Variants in KIRREL3 observed in about 807,000 individuals in gnomAD.
KIRREL3 encodes kin of IRRE-like protein 3.
A neutral mutation model predicts 89.7 loss-of-function variants in KIRREL3; 36 were observed. That is an observed-to-expected ratio of 0.40 (90% CI 0.31 to 0.53). KIRREL3 has a LOEUF of 0.53. Ranked by LOEUF, KIRREL3 falls within the 20% of genes least tolerant of loss-of-function variation. The pLI is 0.49. For missense variants in KIRREL3, 864 were observed against 1,056.6 expected (o/e 0.82, Z 2.53); for synonymous variants, 445 against 441.4 (o/e 1.01, Z -0.10).
intron 1 of KIRREL3, among the ~76,000 whole-genome samples, chr11:126,649,745 C>A (rs947781471): frequency 2.6e-5 from 4 of 152,170 alleles, no homozygotes; most frequent in African/African-American, 9.7e-5. Flanking sequence ...GTGAACGGTG[C>A]AAGCTGTTGG....
In KIRREL3 at chr11:126,763,949, C is replaced by T. The variant is rs1949740238; in HGVS notation, c.56-201037G>A. ...GAATTTTTCCTCTCTTTTCCTGTAT[C>T]TTTTTTCCCCCACAACTCTGCATTC... On this transcript the variant is annotated intron_variant, in intron 1 of 16. Coordinates refer to ENST00000525144, the MANE Select transcript of KIRREL3 (RefSeq NM_032531.4). This position sits in a 1 kb window ranked among gnomAD's most constrained non-coding sequence, Gnocchi z 4.7. 6.6e-6 allele frequency among the ~76,000 whole-genome samples: 1 copy of T among 152,084 alleles called. No individual in the cohort carries two copies. The highest frequency in any genetic ancestry group is 6.5e-5 in the Admixed American group (1 of 15,276).
At position 126,703,749 on chromosome 11, in the gene KIRREL3, C is replaced by T. The variant is rs960484471; in HGVS notation, c.56-140837G>A. 6.6e-6 allele frequency among the ~76,000 whole-genome samples: 1 copy of T among 152,236 alleles called. No individual in the cohort carries two copies. Among genetic ancestry groups the T allele is most frequent in the Non-Finnish European group, 1.5e-5 (1 of 68,050 alleles). On this transcript the variant is annotated intron_variant, in intron 1 of 16. Transcript: ENST00000525144. The surrounding 1 kb of genome is among the most constrained non-coding windows in gnomAD (Gnocchi z 4.6). ...TGGGCCAGTGTTTCCGTGCCAGAAA[C>T]CCTGTCTCAGAGGGCAGGAAAGAGA...
rs1273926018 is a variant in KIRREL3, at chr11:126,484,901, CGCCTCCCAGGTTCAA to C, written c.434-11450_434-11436del. On this transcript the variant is annotated intron_variant, in intron 4 of 16. Coordinates refer to ENST00000525144, the MANE Select transcript of KIRREL3 (RefSeq NM_032531.4). The surrounding 1 kb of genome is among the most constrained non-coding windows in gnomAD (Gnocchi z 5.2). Reference sequence around the variant, plus strand: ...CACAATGTAGGCTCACTGCAGCCTCCGCCTCCCAGGTTCAAGCGATTCTCCTGCCTCAGCCTTTTA... The same window carrying C: ...CACAATGTAGGCTCACTGCAGCCTCCGCGATTCTCCTGCCTCAGCCTTTTA... 6.6e-6 allele frequency among the ~76,000 whole-genome samples: 1 copy of C among 151,800 alleles called. No individual in the cohort carries two copies. Among genetic ancestry groups the C allele is most frequent in the African/African-American group, 2.4e-5 (1 of 41,312 alleles).
chr11:126,483,946 C>T (rs1957285006), intron 4 of KIRREL3, among the ~76,000 whole-genome samples: 1 of 152,208 alleles, frequency 6.6e-6, no homozygotes, highest in Non-Finnish European at 1.5e-5. Flanking sequence ...CTGACTCTCC[C>T]ACCTGCAGCC....
At position 126,459,638 on chromosome 11, in the gene KIRREL3, C is replaced by T. The variant is rs1415825133; in HGVS notation, c.743-3184G>A. On this transcript the variant is annotated intron_variant, in intron 6 of 16. Coordinates refer to ENST00000525144, the MANE Select transcript of KIRREL3 (RefSeq NM_032531.4). The surrounding 1 kb of genome is among the most constrained non-coding windows in gnomAD (Gnocchi z 4.8). ...GGCAGCATAACTTGCAGGAGGGCAG[C>T]TTTGATGTAGCTGGTGGAACTGAGA... 6.6e-6 allele frequency among the ~76,000 whole-genome samples: 1 copy of T among 152,158 alleles called. No individual in the cohort carries two copies. The highest frequency in any genetic ancestry group is 1.5e-5 in the Non-Finnish European group (1 of 68,038).
chr11:126,688,966 G>A lies in KIRREL3; in HGVS notation c.56-126054C>T, dbSNP rs559889030. 3.5e-4 allele frequency among the ~76,000 whole-genome samples: 52 copies of A among 150,288 alleles called. No individual in the cohort carries two copies. The South Asian group carries it at 5.3e-3, about 15-fold the overall frequency. ...TAGGACAGGAAGATTTTTTTTTTCC[G>A]CTCTCAATCTTGTCTTTGTTTGGCT... On this transcript the variant is annotated intron_variant, in intron 1 of 16. Coordinates refer to ENST00000525144, the MANE Select transcript of KIRREL3 (RefSeq NM_032531.4).
chr11:126,997,324 C>G lies in KIRREL3; in HGVS notation c.55+3131G>C, dbSNP rs74833661. Among the ~76,000 whole-genome samples the G allele has an allele frequency of 6.6e-6, 1 of 152,186 alleles. No individual in the cohort carries two copies. The highest frequency in any genetic ancestry group is 1.9e-4 in the East Asian group (1 of 5,196). On this transcript the variant is annotated intron_variant, in intron 1 of 16. Coordinates refer to ENST00000525144, the MANE Select transcript of KIRREL3 (RefSeq NM_032531.4). The surrounding 1 kb of genome is among the most constrained non-coding windows in gnomAD (Gnocchi z 4.3). Reference sequence around the variant, plus strand: ...TGCTGTGACATTATCCCTCTCTGAACAAAGCATGACCGTCCTGACAGCTGA... The same window carrying G: ...TGCTGTGACATTATCCCTCTCTGAAGAAAGCATGACCGTCCTGACAGCTGA...
rs1000434085 is a variant in KIRREL3, at chr11:126,501,420, G to A, written c.433+19895C>T. Among the ~76,000 whole-genome samples the A allele has an allele frequency of 9.2e-5, 14 of 152,208 alleles. No homozygotes were observed. Among genetic ancestry groups the A allele is most frequent in the Non-Finnish European group, 1.6e-4 (11 of 68,032 alleles). On this transcript the variant is annotated intron_variant, in intron 4 of 16. Transcript: ENST00000525144. This position sits in a 1 kb window ranked among gnomAD's most constrained non-coding sequence, Gnocchi z 5.8. ...TCTTAGAGACTAAGGAGGCTCCTCT[G>A]GGGAGCGAGGGTGCCCAGGTGGGGA...
chr11:126,732,395 A>G (rs149155015), intron 1 of KIRREL3, among the ~76,000 whole-genome samples: 1 of 152,336 alleles, frequency 6.6e-6, no homozygotes, highest in African/African-American at 2.4e-5. Context: ...CTGAGAAAAT[A>G]TAGTAAGCAC....
At chr11:126,532,844 G>A (rs1031835515) in intron 2 of KIRREL3, among the ~76,000 whole-genome samples, 3 of 151,874 alleles carry the variant, frequency 2.0e-5, no homozygotes, top group African/African-American at 7.3e-5. Context: ...GAAAGGAGGT[G>A]TACTAGTTAC....
At position 126,459,095 on chromosome 11, in the gene KIRREL3, C is replaced by T. The variant is rs942898719; in HGVS notation, c.743-2641G>A. On this transcript the variant is annotated intron_variant, in intron 6 of 16. Transcript: ENST00000525144. This position sits in a 1 kb window ranked among gnomAD's most constrained non-coding sequence, Gnocchi z 4.8. ...ACCGGATCCAAACGCATTGCTGGCC[C>T]GTGCCCTCGCATTATAAAGGCCAAC... Among the ~76,000 whole-genome samples, 7 of 152,250 alleles carry T rather than the reference C, an allele frequency of 4.6e-5. No homozygotes were observed. Among genetic ancestry groups the T allele is most frequent in the South Asian group, 2.1e-4 (1 of 4,824 alleles).
In KIRREL3 at chr11:126,614,764, C is replaced by T. The variant is rs182105617; in HGVS notation, c.56-51852G>A. Among the ~76,000 whole-genome samples the T allele has an allele frequency of 4.6e-5, 7 of 152,054 alleles. No homozygotes were observed. In the South Asian group the frequency reaches 6.2e-4, roughly 14 times the overall value. On this transcript the variant is annotated intron_variant, in intron 1 of 16. Transcript: ENST00000525144. This position sits in a 1 kb window ranked among gnomAD's most constrained non-coding sequence, Gnocchi z 4.6. ...TCTGTGCTGGGGTTCGAGGTGTCTC[C>T]GCTGGGAGACTCTGGGGAGATCCTG...
In KIRREL3 at chr11:126,772,168, C is replaced by T. The variant is rs1363684934; in HGVS notation, c.56-209256G>A. On this transcript the variant is annotated intron_variant, in intron 1 of 16. Coordinates refer to ENST00000525144, the MANE Select transcript of KIRREL3 (RefSeq NM_032531.4). This position sits in a 1 kb window ranked among gnomAD's most constrained non-coding sequence, Gnocchi z 4.6. ...CTAGATTCCTCAACCTGAGCAGGTT[C>T]ATATGGTTTTGCTGAATTCTCCAAG... is the stretch of plus-strand genomic sequence containing the variant. Among the ~76,000 whole-genome samples the T allele has an allele frequency of 1.3e-5, 2 of 152,178 alleles. No homozygotes were observed. Among genetic ancestry groups the T allele is most frequent in the African/African-American group, 4.8e-5 (2 of 41,446 alleles).
chr11:126,534,827 C>G (rs1937712276), intron 2 of KIRREL3, among the ~76,000 whole-genome samples: 1 of 148,498 alleles, frequency 6.7e-6, no homozygotes, highest in South Asian at 2.1e-4. Flanking sequence ...GCTGAGCAGG[C>G]AGGGCCTTTT....
At position 126,519,679 on chromosome 11, in the gene KIRREL3, A is replaced by G. The variant is rs1958525407; in HGVS notation, c.433+1636T>C. On this transcript the variant is annotated intron_variant, in intron 4 of 16. Coordinates refer to ENST00000525144, the MANE Select transcript of KIRREL3 (RefSeq NM_032531.4). The surrounding 1 kb of genome is among the most constrained non-coding windows in gnomAD (Gnocchi z 4.3). ...GAGTCGGTAGAGGCAGATTCTTCTG[A>G]GGATGGAGGGGCTGAGCCATCTCTG... Among the ~76,000 whole-genome samples the G allele has an allele frequency of 6.6e-6, 1 of 152,154 alleles. No individual in the cohort carries two copies. The highest frequency in any genetic ancestry group is 1.5e-5 in the Non-Finnish European group (1 of 68,036).
Position 126,431,621 on chromosome 11 carries a change from C to A in KIRREL3, c.1589-95G>T. ...CCGTTCCTGCGGGGGCAGCCCCTGC[C>A]ACATGGGGCCCTCCTGGGAAATGCC... is the stretch of plus-strand genomic sequence containing the variant. On this transcript the variant is annotated intron_variant, in intron 13 of 16. Transcript: ENST00000525144. The surrounding 1 kb of genome is among the most constrained non-coding windows in gnomAD (Gnocchi z 7.1). The A allele has an allele frequency of 3.2e-6, 4 of 1,233,072 alleles. No individual in the cohort carries two copies. The highest frequency in any genetic ancestry group is 4.6e-6 in the Non-Finnish European group (4 of 877,682). The allele number at this position is 1,233,072 out of a possible 1,614,324, so 76.4% of individuals were successfully genotyped here. A position where few individuals can be genotyped will look rare whatever the true frequency, so the allele number is the denominator to read the frequency against.
intron 1 of KIRREL3, among the ~76,000 whole-genome samples, chr11:126,910,430 G>A (rs1441356945): frequency 6.6e-6 from 1 of 152,260 alleles, no homozygotes; most frequent in East Asian, 1.9e-4. Context: ...GTAGTTGTCT[G>A]TATGAGCCAA....
At chr11:126,801,550 G>C (rs1040205743) in intron 1 of KIRREL3, among the ~76,000 whole-genome samples, 1 of 152,216 alleles carries the variant, frequency 6.6e-6, no homozygotes, top group Non-Finnish European at 1.5e-5. Context: ...CCAGGATGCA[G>C]TGCAAAGAGC....
Position 126,635,608 on chromosome 11 carries a change from A to T in KIRREL3, c.56-72696T>A, listed in dbSNP as rs549293246. On this transcript the variant is annotated intron_variant, in intron 1 of 16. Transcript: ENST00000525144. The surrounding 1 kb of genome is among the most constrained non-coding windows in gnomAD (Gnocchi z 4.0). ...GCAACGAGCCCCCCTGCCAGCCCAG[A>T]GTAACCAGAGATCTTGGGCCACAAG... Among the ~76,000 whole-genome samples, 45 of 152,298 alleles carry T rather than the reference A, an allele frequency of 3.0e-4. No homozygotes were observed. Among genetic ancestry groups the T allele is most frequent in the African/African-American group, 8.7e-4 (36 of 41,566 alleles).
Sources: allele counts gnomAD v4.1 joint callset (sites outside exome capture counted in the v4.1 genomes callset), GRCh38; gene constraint gnomAD v4.1.1; non-coding constraint Gnocchi (gnomAD v3.1); transcripts MANE v1.5; gene names NCBI Gene and HGNC (gene_info 2026-07-23, HGNC 2026-07-21).